The following PWWP3A variants were observed in gnomAD, a reference collection of about 807,000 sequenced individuals.
PWWP3A encodes PWWP domain containing 3A, DNA repair factor, also known as PWWP domain-containing DNA repair factor 3A.
PWWP3A carries 53 observed loss-of-function variants against 79.0 expected under a neutral mutation model. That is an observed-to-expected ratio of 0.67 (90% CI 0.54 to 0.84). The LOEUF is 0.84. Ranked by LOEUF, PWWP3A falls within the 40% of genes least tolerant of loss-of-function variation. The probability of loss-of-function intolerance (pLI) is 0.00; values close to 1 mark genes in which losing one functional copy is unlikely to be tolerated. For synonymous variants in PWWP3A, 443 were observed against 394.4 expected (o/e 1.12, Z -1.46); for missense variants, 973 against 948.0 (o/e 1.03, Z -0.35).
At chr19:1,365,073 CTG>C (rs1442036279) in intron 7 of PWWP3A, among the ~76,000 whole-genome samples, 20 of 152,176 alleles carry the variant, frequency 1.3e-4, no homozygotes, top group African/African-American at 4.8e-4. Flanking sequence ...TGAGCCAAGA[CTG>C]TGCCATTGTA....
intron 6 of PWWP3A, 105 bp downstream of exon 6, chr19:1,362,456 C>T (rs1255983544): frequency 4.9e-6 from 4 of 815,756 alleles, no homozygotes; most frequent in Admixed American, 2.7e-5. Context: ...AGGTCTCCTG[C>T]GAGTTCATTT....
At chr19:1,364,840 C>T (rs1435960314) in intron 7 of PWWP3A, among the ~76,000 whole-genome samples, 2 of 152,148 alleles carry the variant, frequency 1.3e-5, no homozygotes, top group African/African-American at 2.4e-5. Context: ...TATTTGCGGC[C>T]GGGTGCAGTG....
chr19:1,370,549 C>A (rs2082230341), intron 11 of PWWP3A, 93 bp from the exon 12 acceptor site: 12 of 1,199,316 alleles, frequency 1.0e-5, no homozygotes, highest in Non-Finnish European at 1.4e-5. Context: ...GCCCCCATCC[C>A]TGCCATGTCG....
intron 9 of PWWP3A, among the ~76,000 whole-genome samples, chr19:1,367,948 G>A (rs768040381): frequency 1.3e-5 from 2 of 151,824 alleles, no homozygotes; most frequent in African/African-American, 2.4e-5. Context: ...TTTTTGAGAC[G>A]GAGTCTCACT....
Position 1,369,247 on chromosome 19 carries a change from G to A in PWWP3A, c.1423-18G>A. 6.2e-7 allele frequency: 1 copy of A among 1,613,722 alleles called. No homozygotes were observed. Among genetic ancestry groups the A allele is most frequent in the Non-Finnish European group, 8.5e-7 (1 of 1,179,822 alleles). On this transcript the variant is annotated intron_variant, in intron 9 of 13. Transcript: ENST00000591337. The surrounding 1 kb of genome is among the most constrained non-coding windows in gnomAD (Gnocchi z 4.0). ...GCACTGCCTCCCACTGACGCCTGCT[G>A]CCCGGATCTCATTGTAGAATCAAGC...
At chr19:1,376,392 G>T (rs1304610038) in intron 13 of PWWP3A, 127 bp from the exon 14 acceptor site, 8 of 641,394 alleles carry the variant, frequency 1.2e-5, no homozygotes, top group Non-Finnish European at 2.1e-5. Context: ...CTGACCTTGT[G>T]ATCCGCCTGC....
Position 1,370,868 on chromosome 19 carries a change from C to T in PWWP3A, c.1776C>T (p.Ile592=), listed in dbSNP as rs771757841. The T allele has an allele frequency of 3.0e-5, 47 of 1,559,694 alleles. 1 individual carries two copies. In the South Asian group the frequency reaches 5.3e-4, roughly 18 times the overall value. The stretch of plus-strand genomic sequence containing the variant: ...GCGCGGAGAGCCACCTGCGGGCCAT[C>T]CTAAAGAGCAGGAAGCCATCTCGCT... ...AKGAESHLRA[I]LKSRKPSRWL... is the part of the protein sequence containing the mutation. Residue 592 remains isoleucine (I), a synonymous_variant, in exon 12 of 14, where the codon ATC becomes ATT. Transcript: ENST00000591337.
At chr19:1,356,292 T>C in intron 1 of PWWP3A, 32 bp from the exon 2 acceptor site, 1 of 1,160,888 alleles carries the variant, frequency 8.6e-7, no homozygotes. Flanking sequence ...CAGCAAACAG[T>C]TGTATAAACC....
chr19:1,357,060 T>A lies in PWWP3A; in HGVS notation c.109T>A (p.Phe37Ile). ...STKNKRRKEY[F>I]LAVQILSLEE... ...AAAAAATAAGAGAAGAAAGGAATAT[T>A]TTCTAGCTGTGCAAATCCTCTCTCT... is the stretch of plus-strand genomic sequence containing the variant. Residue 37 changes from phenylalanine (F) to isoleucine (I), a missense_variant, in exon 3 of 14, where the codon TTT (phenylalanine) becomes ATT (isoleucine). Physicochemically the swap from Phe to Ile is conservative, Grantham distance 21. Transcript: ENST00000591337. 6.2e-7 allele frequency: 1 copy of A among 1,613,346 alleles called. No individual in the cohort carries two copies. Among genetic ancestry groups the A allele is most frequent in the African/African-American group, 1.3e-5 (1 of 75,028 alleles).
At chr19:1,376,160 CTG>C (rs1164667873) in intron 13 of PWWP3A, among the ~76,000 whole-genome samples, 1 of 141,420 alleles carries the variant, frequency 7.1e-6, no homozygotes, top group African/African-American at 2.7e-5. Context: ...GAATTTAGCT[CTG>C]TCGCCCAGGC....
intron 7 of PWWP3A, 108 bp downstream of exon 7, chr19:1,364,687 T>A: frequency 1.0e-6 from 1 of 974,638 alleles, no homozygotes; most frequent in South Asian, 1.7e-5. Flanking sequence ...AATGTTTTCA[T>A]TGTTTTGTTT....
At chr19:1,357,345 C>A in intron 3 of PWWP3A, 1 of 320,770 alleles carries the variant, frequency 3.1e-6, no homozygotes. Context: ...ACACTGAATA[C>A]ATGTAAATTA....
At chr19:1,370,609 G>A (rs369174291) in intron 11 of PWWP3A, 33 bp from the exon 12 acceptor site, 19 of 1,439,334 alleles carry the variant, frequency 1.3e-5, no homozygotes, top group South Asian at 3.1e-5. Context: ...GGCAGCCCAC[G>A]CGCTGGTCCC....
At chr19:1,363,073 AG>A (rs2082054703) in intron 6 of PWWP3A, among the ~76,000 whole-genome samples, 1 of 152,192 alleles carries the variant, frequency 6.6e-6, no homozygotes, top group Non-Finnish European at 1.5e-5. Flanking sequence ...AAGGGAGGTG[AG>A]GGGGCTTCTC....
rs375512114 is a variant in PWWP3A, at chr19:1,365,485, C to T, written c.1285-820C>T. ...TGTTGCTCTAATGACTGACCTCACTCGAGTCACCCAGGCTCCTTGCATGTG... is the reference window on the plus strand; with the variant it reads ...TGTTGCTCTAATGACTGACCTCACTTGAGTCACCCAGGCTCCTTGCATGTG... On this transcript the variant is annotated intron_variant, in intron 7 of 13. Coordinates refer to ENST00000591337, the MANE Select transcript of PWWP3A (RefSeq NM_001369789.1). Among the ~76,000 whole-genome samples the T allele has an allele frequency of 3.3e-5, 5 of 152,268 alleles. 1 individual carries two copies. Among genetic ancestry groups the T allele is most frequent in the East Asian group, 3.8e-4 (2 of 5,202 alleles).
Position 1,360,034 on chromosome 19 carries a change from A to G in PWWP3A, c.215-102A>G. 8.2e-7 allele frequency: 1 copy of G among 1,221,708 alleles called. No individual in the cohort carries two copies. Among genetic ancestry groups the G allele is most frequent in the African/African-American group, 1.5e-5 (1 of 65,376 alleles). 75.7% of individuals were successfully genotyped at this position (1,221,708 alleles called of 1,614,324 possible). ...TCCCCTTCAGTGATTTAGGTATGAA[A>G]CTAGCCGTCAGAATGAGACAAGCGA... is the stretch of plus-strand genomic sequence containing the variant. On this transcript the variant is annotated intron_variant, in intron 4 of 13. Transcript: ENST00000591337. The surrounding 1 kb of genome is among the most constrained non-coding windows in gnomAD (Gnocchi z 4.4).
rs745833078 is a variant in PWWP3A at position 1,360,637 on chromosome 19, C to G, written c.716C>G (p.Thr239Arg). The part of the protein sequence containing the change: ...LNGSSLSEDD[T>R]ERDMGSKGGS... The stretch of plus-strand genomic sequence containing the variant: ...GGATCTTCCCTTTCAGAGGACGACA[C>G]GGAGAGAGACATGGGGAGCAAAGGA... The change falls in exon 5 of 14, where the codon ACG becomes AGG. Residue 239 changes from threonine (T) to arginine (R), a missense_variant. Coordinates refer to ENST00000591337, the MANE Select transcript of PWWP3A (RefSeq NM_001369789.1). This position sits in a 1 kb window ranked among gnomAD's most constrained non-coding sequence, Gnocchi z 4.4. 1 of 1,613,456 alleles carries G rather than the reference C, an allele frequency of 6.2e-7. No individual in the cohort carries two copies. The highest frequency in any genetic ancestry group is 8.5e-7 in the Non-Finnish European group (1 of 1,179,558).
At chr19:1,370,444 A>G (rs1407770920) in intron 11 of PWWP3A, among the ~76,000 whole-genome samples, 198 bp from the exon 12 acceptor site, 1 of 151,974 alleles carries the variant, frequency 6.6e-6, no homozygotes, top group Non-Finnish European at 1.5e-5. Flanking sequence ...GGGCCCAGTG[A>G]GGGGGGAAAG....
intron 4 of PWWP3A, chr19:1,359,911 GT>G: frequency 2.2e-6 from 1 of 447,704 alleles, no homozygotes; most frequent in Middle Eastern, 5.8e-4. Flanking sequence ...AATAAATTTG[GT>G]TTTTAAAAAA....
Sources: gnomAD v4.1 joint callset for allele counts (sites outside exome capture counted in the v4.1 genomes callset) on GRCh38, gnomAD v4.1.1 for gene constraint, Gnocchi (gnomAD v3.1) non-coding constraint, MANE v1.5 for transcripts, NCBI Gene and HGNC (gene_info 2026-07-23, HGNC 2026-07-21) for gene names.